The following HGFAC variants were observed in gnomAD, a reference collection of about 807,000 sequenced individuals.
The protein encoded by HGFAC is HGF activator, also known as hepatocyte growth factor activator serine protease.
A neutral mutation model predicts 70.6 loss-of-function variants in HGFAC; 76 were observed. The observed-to-expected ratio is 1.08, with a 90% CI of 0.89 to 1.30. The LOEUF (loss-of-function observed/expected upper bound fraction) is 1.30. Ranked by LOEUF, HGFAC falls within the 50% of genes most tolerant of loss-of-function variation. HGFAC has a pLI of 0.00. For synonymous variants in HGFAC, 464 were observed against 405.3 expected (o/e 1.14, Z -1.74); for missense variants, 1,044 against 933.7 (o/e 1.12, Z -1.54).
chr4:3,443,006 G>T, intron 2 of HGFAC, 44 bp from the exon 3 acceptor site: 1 of 1,547,534 alleles, frequency 6.5e-7, no homozygotes. Context: ...AGGGGCTCGG[G>T]TGCCCCTCGA....
Position 3,448,184 on chromosome 4 carries a change from C to G in HGFAC, c.1693C>G (p.His565Asp). Residue 565 changes from histidine to aspartate, a missense_variant, in exon 13 of 14, where the codon CAC becomes GAC. Coordinates refer to ENST00000382774, the MANE Select transcript of HGFAC (RefSeq NM_001528.4). ...GGCCCTGGTCCCCCTGGTCGCCGAC[C>G]ACAAGTGCAGCAGCCCTGAGGTCTA... ...REALVPLVAD[H>D]KCSSPEVYGA... is the part of the protein sequence containing the mutation. 1 of 1,604,750 alleles carries G rather than the reference C, an allele frequency of 6.2e-7. No individual in the cohort carries two copies. Among genetic ancestry groups the G allele is most frequent in the Non-Finnish European group, 8.5e-7 (1 of 1,177,022 alleles).
rs1725364784 is a variant in HGFAC at position 3,442,970 on chromosome 4, G to A, written c.298+58G>A. The stretch of plus-strand genomic sequence containing the variant: ...GCTTCACCTTAGGGCTGGGTGGGAG[G>A]AGCATGGCTGCGGCTGGAGGTCCTG... On this transcript the variant is annotated intron_variant, in intron 2 of 13. Coordinates refer to ENST00000382774, the MANE Select transcript of HGFAC (RefSeq NM_001528.4). 2.6e-6 allele frequency: 4 copies of A among 1,550,578 alleles called. No homozygotes were observed. In the East Asian group the frequency reaches 6.9e-5, roughly 27 times the overall value.
In HGFAC at chr4:3,447,625, G is replaced by A. The variant is rs996743028; in HGVS notation, c.1489G>A (p.Asp497Asn). 1.1e-5 allele frequency: 18 copies of A among 1,612,448 alleles called. No individual in the cohort carries two copies. The highest frequency in any genetic ancestry group is 1.6e-4 in the Middle Eastern group (1 of 6,078). ...LYSVFNPSDH[D>N]LVLIRLKKKG... ...CTCGGTGTTCAACCCCAGCGACCACGACCTCGGTGAGCTCCGGCGTGTCGT... is the reference window on the plus strand; with the variant it reads ...CTCGGTGTTCAACCCCAGCGACCACAACCTCGGTGAGCTCCGGCGTGTCGT... Residue 497 changes from aspartate to asparagine, a missense_variant, in exon 11 of 14, where the codon GAC (aspartate) becomes AAC (asparagine). By Grantham distance (23) the Asp-to-Asn change is conservative. Transcript: ENST00000382774.
chr4:3,442,516 T>G (rs1313585933), intron 1 of HGFAC, among the ~76,000 whole-genome samples: 1 of 152,172 alleles, frequency 6.6e-6, no homozygotes, highest in Non-Finnish European at 1.5e-5. Context: ...TGCCTGGGCC[T>G]GGGCAGTGAC....
Position 3,445,433 on chromosome 4 carries a change from C to T in HGFAC, c.1102+83C>T. Reference sequence around the variant, plus strand: ...CCGTGATCCTCCTAGCCCCTCCGCACACCTGGCTACTGCATCTCTGACAAA... The same window carrying T: ...CCGTGATCCTCCTAGCCCCTCCGCATACCTGGCTACTGCATCTCTGACAAA... On this transcript the variant is annotated intron_variant, in intron 9 of 13. Transcript: ENST00000382774. 7 of 919,738 alleles carry T rather than the reference C, an allele frequency of 7.6e-6. No individual in the cohort carries two copies. In the South Asian group the frequency reaches 8.4e-5, roughly 11 times the overall value. The allele number at this position is 919,738 out of a possible 1,614,324, so 57.0% of individuals were successfully genotyped here.
In HGFAC at chr4:3,447,493, C is replaced by T. The variant is rs775909849; in HGVS notation, c.1357C>T (p.Pro453Ser). Residue 453 changes from proline to serine, a missense_variant and splice_region_variant, in exon 11 of 14, where the codon CCC becomes TCC. Pro to Ser is a moderately conservative substitution (Grantham distance 74, BLOSUM62 -1). Transcript: ENST00000382774. Reference sequence around the variant, plus strand: ...CAGCCTCCAGCCCCCCTTGCACAGCCCCCCCAGGGACAGCGTCTCCGTGGT... The same window carrying T: ...CAGCCTCCAGCCCCCCTTGCACAGCTCCCCCAGGGACAGCGTCTCCGTGGT... ...VSAAHCFSHS[P>S]PRDSVSVVLG... The T allele has an allele frequency of 1.1e-5, 18 of 1,612,372 alleles. No homozygotes were observed. The highest frequency in any genetic ancestry group is 6.7e-5 in the Admixed American group (4 of 60,004).
At chr4:3,445,575 G>C (rs989663032) in intron 9 of HGFAC, 2 of 606,000 alleles carry the variant, frequency 3.3e-6, no homozygotes, top group African/African-American at 3.7e-5. Flanking sequence ...CGACGGCCTC[G>C]GGGTGGCACC....
At chr4:3,445,099 G>T in intron 8 of HGFAC, 106 bp downstream of exon 8, 1 of 1,362,028 alleles carries the variant, frequency 7.3e-7, no homozygotes. Context: ...GCTCCGTCCA[G>T]ACAGGCCCCG....
chr4:3,448,288 C>A lies in HGFAC; in HGVS notation c.1785+12C>A, dbSNP rs1478165659. ...CCGACGCCTGCCAGGTGAGCTGGTG[C>A]CCGCCCCACCAGGACCCGACTGGTG... On this transcript the variant is annotated intron_variant, in intron 13 of 13. Coordinates refer to ENST00000382774, the MANE Select transcript of HGFAC (RefSeq NM_001528.4). The A allele has an allele frequency of 1.9e-6, 3 of 1,603,186 alleles. No individual in the cohort carries two copies. The highest frequency in any genetic ancestry group is 2.2e-5 in the South Asian group (2 of 89,874).
Position 3,446,241 on chromosome 4 carries a change from G to C in HGFAC, c.1302G>C (p.Gly434=). 1 of 1,610,722 alleles carries C rather than the reference G, an allele frequency of 6.2e-7. No individual in the cohort carries two copies. The highest frequency in any genetic ancestry group is 8.5e-7 in the Non-Finnish European group (1 of 1,179,376). The change falls in exon 10 of 14, where the codon GGG becomes GGC. Residue 434 remains glycine (G), a synonymous_variant. Transcript: ENST00000382774. ...AIYIGDSFCA[G]SLVHTCWVVS... ...ACATCGGGGACAGCTTCTGCGCCGG[G>C]AGCCTGGTCCACACCTGCTGGGTGG...
In HGFAC at chr4:3,444,157, C is replaced by A; in HGVS notation, c.594C>A (p.Gly198=). 1 of 1,606,722 alleles carries A rather than the reference C, an allele frequency of 6.2e-7. No individual in the cohort carries two copies. The highest frequency in any genetic ancestry group is 8.5e-7 in the Non-Finnish European group (1 of 1,177,292). The change falls in exon 5 of 14, where the codon GGC becomes GGA. Residue 198 remains glycine (G), a synonymous_variant. Coordinates refer to ENST00000382774, the MANE Select transcript of HGFAC (RefSeq NM_001528.4). ...GGGCCTTCACCGGCAAGGACTGCGG[C>A]ACAGGTGAGCTGGGCCTCGGAGGTC... ...CPRAFTGKDC[G]TEKCFDETRY...
Position 3,446,151 on chromosome 4 carries a change from G to A in HGFAC, c.1212G>A (p.Leu404=), listed in dbSNP as rs539888300. The change falls in exon 10 of 14, where the codon CTG becomes CTA. Residue 404 remains leucine (L), a synonymous_variant. Coordinates refer to ENST00000382774, the MANE Select transcript of HGFAC (RefSeq NM_001528.4). ...CGRRHKKRTF[L]RPRIIGGSSS... is the part of the protein sequence containing the mutation. The stretch of plus-strand genomic sequence containing the variant: ...GGAGGCACAAGAAGAGGACGTTCCT[G>A]CGGCCACGTATCATCGGCGGCTCCT... 6.2e-7 allele frequency: 1 copy of A among 1,611,844 alleles called. No individual in the cohort carries two copies. The highest frequency in any genetic ancestry group is 1.3e-5 in the African/African-American group (1 of 75,034).
intron 1 of HGFAC, 131 bp from the exon 2 acceptor site, chr4:3,442,601 T>C (rs1725350924): frequency 3.5e-6 from 2 of 579,092 alleles, no homozygotes; most frequent in Non-Finnish European, 5.9e-6. Context: ...GAATGTCGTG[T>C]GTCCTCCTGG....
At chr4:3,442,440 C>T in intron 1 of HGFAC, among the ~76,000 whole-genome samples, 1 of 152,178 alleles carries the variant, frequency 6.6e-6, no homozygotes, top group East Asian at 1.9e-4. Flanking sequence ...GGGGAACCTC[C>T]CAGGGCCTCC....
At position 3,449,302 on chromosome 4, in the gene HGFAC, C is replaced by A. The variant is rs1725649313; in HGVS notation, c.1851C>A (p.Ser617Arg). The A allele has an allele frequency of 1.2e-6, 2 of 1,612,416 alleles. No individual in the cohort carries two copies. The highest frequency in any genetic ancestry group is 2.7e-5 in the African/African-American group (2 of 74,902). ...NGVAYLYGIISWGDGCGRLHK... is the reference protein window; with the variant it reads ...NGVAYLYGIIRWGDGCGRLHK... ...TGGCTTACCTCTACGGCATCATCAG[C>A]TGGGGTGACGGCTGCGGGCGGCTCC... The change falls in exon 14 of 14, where the codon AGC becomes AGA. Residue 617 changes from serine to arginine, a missense_variant. Ser to Arg is a moderately radical substitution (Grantham distance 110). Coordinates refer to ENST00000382774, the MANE Select transcript of HGFAC (RefSeq NM_001528.4).
At position 3,443,902 on chromosome 4, in the gene HGFAC, G is replaced by A. The variant is rs115851876; in HGVS notation, c.476-137G>A. 1.4e-3 allele frequency: 1,270 copies of A among 929,716 alleles called. 10 individuals carry two copies. The African/African-American group carries it at 0.019, about 14-fold the overall frequency. 57.6% of individuals were successfully genotyped at this position (929,716 alleles called of 1,614,324 possible). Reference sequence around the variant, plus strand: ...GCCCCTCCCAGGGACCTTGCACCCCGAGGGGCGTAGAGAGGGCCCCTTTGC... The same window carrying A: ...GCCCCTCCCAGGGACCTTGCACCCCAAGGGGCGTAGAGAGGGCCCCTTTGC... On this transcript the variant is annotated intron_variant, in intron 4 of 13. Coordinates refer to ENST00000382774, the MANE Select transcript of HGFAC (RefSeq NM_001528.4).
In HGFAC at chr4:3,442,121, G is replaced by A. The variant is rs372618392; in HGVS notation, c.117+3G>A. 1.5e-5 allele frequency: 23 copies of A among 1,557,522 alleles called. No homozygotes were observed. In the African/African-American group the frequency reaches 2.2e-4, roughly 15 times the overall value. ...GGTTCCAGCCCCAGCCTGGCGGGGT[G>A]AGCACTGACCTTGTCGCAGTGCGAC... On this transcript the variant is annotated splice_donor_region_variant and intron_variant, in intron 1 of 13. Coordinates refer to ENST00000382774, the MANE Select transcript of HGFAC (RefSeq NM_001528.4).
Position 3,442,762 on chromosome 4 carries a change from A to G in HGFAC, c.148A>G (p.Thr50Ala). 4 of 1,521,292 alleles carry G rather than the reference A, an allele frequency of 2.6e-6. No homozygotes were observed. The South Asian group carries it at 3.9e-5, about 15-fold the overall frequency. 94.2% of individuals were successfully genotyped at this position (1,521,292 alleles called of 1,614,324 possible). A position where few individuals can be genotyped will look rare whatever the true frequency, so the allele number is the denominator to read the frequency against. The change falls in exon 2 of 14, where the codon ACA becomes GCA. Residue 50 changes from threonine to alanine, a missense_variant. Transcript: ENST00000382774. ...NRTESPEPNA[T>A]ATPAIPTILV... ...TACGGAGTCCCCAGAACCTAATGCC[A>G]CAGCGACCCCTGCGATCCCCACTAT...
intron 9 of HGFAC, 131 bp from the exon 10 acceptor site, chr4:3,445,911 G>A: frequency 6.4e-7 from 1 of 1,551,164 alleles, no homozygotes; most frequent in African/African-American, 1.4e-5. Context: ...GTGGGCGCCA[G>A]GGCCTGAGCA....
Sources: allele counts gnomAD v4.1 joint callset (sites outside exome capture counted in the v4.1 genomes callset), GRCh38; gene constraint gnomAD v4.1.1; transcripts MANE v1.5; gene names NCBI Gene and HGNC (gene_info 2026-07-23, HGNC 2026-07-21).